Variants in ADAM32 observed in about 807,000 individuals in gnomAD.
ADAM32 encodes the protein ADAM metallopeptidase domain 32.
In ADAM32, 89 loss-of-function variants were observed where a neutral mutation model predicts 114.9. The ratio of observed to expected loss-of-function variants is 0.77; its 90% confidence interval spans 0.65 to 0.92. ADAM32 has a LOEUF of 0.92. Among genes scored for constraint, ADAM32 ranks in the 40% least tolerant of loss-of-function variants. The pLI, the probability that ADAM32 is intolerant of heterozygous loss-of-function variation, is 0.00. For missense variants in ADAM32, 870 were observed against 932.8 expected (o/e 0.93, Z 0.88); for synonymous variants, 285 against 307.5 (o/e 0.93, Z 0.77).
chr8:39,270,795 T>G, intron 19 of ADAM32, 81 bp from the exon 20 acceptor site: 1 of 1,097,636 alleles, frequency 9.1e-7, no homozygotes, highest in Admixed American at 2.1e-5. Context: ...ATAATACTGA[T>G]TATAAAATGG....
chr8:39,111,120 C>T (rs867467753), intron 1 of ADAM32, among the ~76,000 whole-genome samples: 105 of 151,958 alleles, frequency 6.9e-4, no homozygotes, highest in African/African-American at 2.5e-3. Context: ...ATATATTCAC[C>T]CGTTTGTTTA....
chr8:39,234,147 G>A (rs1055492451), intron 16 of ADAM32, 65 bp downstream of exon 16: 6 of 1,140,298 alleles, frequency 5.3e-6, no homozygotes, highest in Non-Finnish European at 6.8e-6. Flanking sequence ...TTTTATTTAA[G>A]TATCAAATTT....
In ADAM32 at chr8:39,149,869, T is replaced by C. The variant is rs779275923; in HGVS notation, c.353+2T>C. 7 of 1,599,716 alleles carry C rather than the reference T, an allele frequency of 4.4e-6. 1 individual carries two copies. In the South Asian group the frequency reaches 6.7e-5, roughly 15 times the overall value. On this transcript the variant is annotated splice_donor_variant, in intron 5 of 24. Coordinates refer to ENST00000379907, the MANE Select transcript of ADAM32 (RefSeq NM_145004.7). LOFTEE classifies it high-confidence loss of function. ...ACTCAGCACGTGCTCTGGACTAAGG[T>C]TGTTTTCTGTTGTTGATTACAGAAC...
At chr8:39,229,134 G>C (rs1319369493) in intron 14 of ADAM32, among the ~76,000 whole-genome samples, 1 of 152,196 alleles carries the variant, frequency 6.6e-6, no homozygotes, top group African/African-American at 2.4e-5. Flanking sequence ...CAAATGCTGA[G>C]AGAATTCGCC....
chr8:39,126,077 T>C (rs1011575140), intron 2 of ADAM32, among the ~76,000 whole-genome samples: 3 of 152,182 alleles, frequency 2.0e-5, no homozygotes, highest in Non-Finnish European at 4.4e-5. Context: ...TTGTAGTAGT[T>C]TGAGGTCATG....
intron 19 of ADAM32, among the ~76,000 whole-genome samples, chr8:39,258,055 TTTTATGTATAATTTTAAATAGC>T (rs1373073896): frequency 2.6e-5 from 4 of 152,096 alleles, no homozygotes; most frequent in Non-Finnish European, 4.4e-5. Context: ...CCTAGTATTG[TTTTATGTATAATTTTAAATAGC>T]TATACTTTCT....
intron 1 of ADAM32, among the ~76,000 whole-genome samples, chr8:39,108,488 C>T (rs1176451578): frequency 6.6e-6 from 1 of 152,070 alleles, no homozygotes; most frequent in Non-Finnish European, 1.5e-5. Flanking sequence ...TAGTACTTAA[C>T]AGCAAAATGA....
At chr8:39,229,396 A>G (rs1026464819) in intron 14 of ADAM32, among the ~76,000 whole-genome samples, 3 of 152,204 alleles carry the variant, frequency 2.0e-5, no homozygotes, top group Admixed American at 1.3e-4. Flanking sequence ...CTTAAAAGAT[A>G]CAGAACTGCA....
chr8:39,228,778 A>T (rs1028009725), intron 14 of ADAM32, among the ~76,000 whole-genome samples: 1 of 152,206 alleles, frequency 6.6e-6, no homozygotes, highest in East Asian at 1.9e-4. Flanking sequence ...ATGGAGGAAA[A>T]CTTCCCTGGC....
chr8:39,157,764 C>A lies in ADAM32; in HGVS notation c.526-3133C>A. 2.2e-6 allele frequency: 3 copies of A among 1,382,108 alleles called. No homozygotes were observed. In the South Asian group the frequency reaches 3.5e-5, roughly 16 times the overall value. The allele number at this position is 1,382,108 out of a possible 1,614,324, so 85.6% of individuals were successfully genotyped here. A position where few individuals can be genotyped will look rare whatever the true frequency, so the allele number is the denominator to read the frequency against. On this transcript the variant is annotated intron_variant, in intron 6 of 24. Transcript: ENST00000379907. ...ACTTCAGCATGACAAAGTCATTGGT[C>A]ACTTCACCATAGTGGACAAAGCCAC...
intron 14 of ADAM32, among the ~76,000 whole-genome samples, chr8:39,231,808 TTA>T (rs1323762815): frequency 1.3e-5 from 2 of 152,102 alleles, no homozygotes; most frequent in African/African-American, 2.4e-5. Flanking sequence ...TCCACCTATA[TTA>T]TCTTTTATGA....
At chr8:39,189,541 A>G (rs552455462) in intron 11 of ADAM32, among the ~76,000 whole-genome samples, 3 of 152,276 alleles carry the variant, frequency 2.0e-5, no homozygotes, top group East Asian at 1.9e-4. Flanking sequence ...TCATATCTGT[A>G]TACGTGTGTG....
At chr8:39,129,739 G>C (rs1476393609) in intron 2 of ADAM32, 1 of 232,250 alleles carries the variant, frequency 4.3e-6, no homozygotes, top group East Asian at 1.1e-4. Context: ...AATTGTGAAG[G>C]ATTAATATTA....
chr8:39,214,014 A>C (rs534197480), intron 12 of ADAM32, among the ~76,000 whole-genome samples: 1 of 152,238 alleles, frequency 6.6e-6, no homozygotes, highest in Admixed American at 6.5e-5. Context: ...AAATGACTGA[A>C]TCTCATTCTT....
In ADAM32 at chr8:39,151,480, A is replaced by T; in HGVS notation, c.457A>T (p.Ile153Phe). Residue 153 changes from isoleucine (I) to phenylalanine (F), a missense_variant, in exon 6 of 25, where the codon ATT (isoleucine) becomes TTT (phenylalanine). By Grantham distance (21) the Ile-to-Phe change is conservative. Transcript: ENST00000379907. ...LYKLKNEDND[I>F]AIFIDRSLKE... Reference sequence around the variant, plus strand: ...CAAATTAAAGAATGAAGACAATGATATTGCAATTTTTATTGACAGAAGCCT... The same window carrying T: ...CAAATTAAAGAATGAAGACAATGATTTTGCAATTTTTATTGACAGAAGCCT... 6.2e-7 allele frequency: 1 copy of T among 1,601,774 alleles called. No individual in the cohort carries two copies. Among genetic ancestry groups the T allele is most frequent in the Non-Finnish European group, 8.5e-7 (1 of 1,176,148 alleles).
Position 39,203,679 on chromosome 8 carries a change from G to A in ADAM32, c.1053-7465G>A, listed in dbSNP as rs1226055958. ...GTGAATTTGATCCTGTCATTATGATGTTAGCTGGTTATTTTGCTCGTTAGT... is the reference window on the plus strand; with the variant it reads ...GTGAATTTGATCCTGTCATTATGATATTAGCTGGTTATTTTGCTCGTTAGT... On this transcript the variant is annotated intron_variant, in intron 11 of 24. Transcript: ENST00000379907. 2.0e-5 allele frequency among the ~76,000 whole-genome samples: 3 copies of A among 152,182 alleles called. No homozygotes were observed. In the East Asian group the frequency reaches 5.8e-4, roughly 29 times the overall value.
chr8:39,251,068 A>G lies in ADAM32; in HGVS notation c.1903-3346A>G, dbSNP rs79242105. ...TATCTCACATTTTCTTTATTTATTC[A>G]TCTATTCATGGACGCTTACATTGAT... is the stretch of plus-strand genomic sequence containing the variant. On this transcript the variant is annotated intron_variant, in intron 17 of 24. Coordinates refer to ENST00000379907, the MANE Select transcript of ADAM32 (RefSeq NM_145004.7). 5.2e-3 allele frequency among the ~76,000 whole-genome samples: 792 copies of G among 151,906 alleles called. 6 individuals carry two copies. The highest frequency in any genetic ancestry group is 0.018 in the African/African-American group (759 of 41,496).
chr8:39,116,575 T>C (rs146937183), intron 1 of ADAM32, among the ~76,000 whole-genome samples: 1 of 152,292 alleles, frequency 6.6e-6, no homozygotes, highest in Non-Finnish European at 1.5e-5. Context: ...GTGATTTTTG[T>C]ACATTGATTT....
intron 11 of ADAM32, among the ~76,000 whole-genome samples, chr8:39,205,156 TCAGA>T (rs1044172432): frequency 6.6e-6 from 1 of 152,210 alleles, no homozygotes; most frequent in Non-Finnish European, 1.5e-5. Context: ...TCCAAAGCTG[TCAGA>T]CAGGGACATT....
Sources: allele counts gnomAD v4.1 joint callset (sites outside exome capture counted in the v4.1 genomes callset), GRCh38; gene constraint gnomAD v4.1.1; transcripts MANE v1.5; gene names NCBI Gene and HGNC (gene_info 2026-07-23, HGNC 2026-07-21).